OMA1: variants seen among roughly 807,000 people sequenced by gnomAD.
OMA1 encodes OMA1 zinc metallopeptidase.
A neutral mutation model predicts 30.9 loss-of-function variants in OMA1; 38 were observed. That is an observed-to-expected ratio of 1.23 (90% CI 0.95 to 1.61). The LOEUF (loss-of-function observed/expected upper bound fraction) is 1.61, where lower values mean the gene tolerates loss of function less well. Among genes scored for constraint, OMA1 ranks in the 40% most tolerant of loss-of-function variants. The pLI, the probability that OMA1 is intolerant of heterozygous loss-of-function variation, is 0.00. For missense variants in OMA1, 461 were observed against 349.2 expected (o/e 1.32, Z -2.55); for synonymous variants, 173 against 121.9 (o/e 1.42, Z -2.76).
At chr1:58,499,397 A>C (rs1486844233) in intron 8 of OMA1, among the ~76,000 whole-genome samples, 2 of 151,662 alleles carry the variant, frequency 1.3e-5, no homozygotes, top group Non-Finnish European at 2.9e-5. Context: ...AAGTGGGAAA[A>C]TTGCTTTAGC....
chr1:58,485,228 T>TAAAAAAAAAAAAAAAAAAAAA (rs71043289), intron 8 of OMA1, among the ~76,000 whole-genome samples: 2 of 42,036 alleles, frequency 4.8e-5, no homozygotes, highest in Non-Finnish European at 8.3e-5. Flanking sequence ...AGTCTACTAC[T>TAAAAAAAAAAAAAAAAAAAAA]AAAAAAAAAA....
At chr1:58,511,546 C>G (rs1164123423) in intron 7 of OMA1, among the ~76,000 whole-genome samples, 1 of 151,972 alleles carries the variant, frequency 6.6e-6, no homozygotes, top group Non-Finnish European at 1.5e-5. Context: ...GGAGGATCAC[C>G]TGAGCCTGGG....
chr1:58,514,019 T>G (rs2100434384), intron 7 of OMA1, among the ~76,000 whole-genome samples: 1 of 152,264 alleles, frequency 6.6e-6, no homozygotes, highest in African/African-American at 2.4e-5. Context: ...AATTGTCAAG[T>G]TAAAATGTGA....
At chr1:58,516,158 T>G (rs1646154536) in intron 7 of OMA1, among the ~76,000 whole-genome samples, 1 of 152,106 alleles carries the variant, frequency 6.6e-6, no homozygotes. Flanking sequence ...ACATCAATAA[T>G]TCCCCCCACT....
At chr1:58,485,359 T>G (rs1003867861) in intron 8 of OMA1, among the ~76,000 whole-genome samples, 21 of 151,916 alleles carry the variant, frequency 1.4e-4, no homozygotes, top group African/African-American at 4.6e-4. Context: ...CACATGATAT[T>G]TCTTGAGTAA....
chr1:58,492,198 G>C (rs916856285), intron 8 of OMA1, among the ~76,000 whole-genome samples: 4 of 152,096 alleles, frequency 2.6e-5, no homozygotes, highest in African/African-American at 7.2e-5. Flanking sequence ...CAGAAATAAA[G>C]ATGTTCTTTG....
At chr1:58,537,468 T>C (rs572215846) in intron 2 of OMA1, among the ~76,000 whole-genome samples, 1 of 152,326 alleles carries the variant, frequency 6.6e-6, no homozygotes, top group South Asian at 2.1e-4. Flanking sequence ...AACAAGATCC[T>C]AGGTATTCAT....
intron 7 of OMA1, among the ~76,000 whole-genome samples, chr1:58,507,543 A>G (rs1272412255): frequency 2.0e-5 from 3 of 152,076 alleles, no homozygotes; most frequent in Admixed American, 6.5e-5. Context: ...AAAGAATTCA[A>G]GGTACTTTAT....
intron 7 of OMA1, among the ~76,000 whole-genome samples, chr1:58,508,939 T>C (rs1385698040): frequency 2.6e-5 from 4 of 152,056 alleles, no homozygotes; most frequent in East Asian, 3.9e-4. Context: ...GTAGCACTGA[T>C]AGGACCCAGC....
chr1:58,514,299 C>T (rs977258569), intron 7 of OMA1, among the ~76,000 whole-genome samples: 2 of 152,080 alleles, frequency 1.3e-5, no homozygotes. Context: ...AAGAATACAG[C>T]AGTATAAAAA....
chr1:58,503,625 C>CT (rs960463390), intron 8 of OMA1, among the ~76,000 whole-genome samples: 55 of 152,038 alleles, frequency 3.6e-4, no homozygotes, highest in African/African-American at 1.3e-3. Context: ...GGTTAGCACC[C>CT]TTTTATAAAA....
chr1:58,544,661 C>G (rs1441051664), intron 1 of OMA1, among the ~76,000 whole-genome samples: 1 of 152,182 alleles, frequency 6.6e-6, no homozygotes, highest in East Asian at 1.9e-4. Context: ...GTGGTGCCAC[C>G]TCGGCTCACT....
chr1:58,519,592 T>C (rs915522931), intron 7 of OMA1, among the ~76,000 whole-genome samples: 42 of 152,076 alleles, frequency 2.8e-4, no homozygotes, highest in African/African-American at 9.4e-4. Flanking sequence ...AAAAAATATA[T>C]CATTCAGAGC....
At chr1:58,486,370 C>G (rs967476754) in intron 8 of OMA1, among the ~76,000 whole-genome samples, 3 of 152,170 alleles carry the variant, frequency 2.0e-5, no homozygotes, top group African/African-American at 7.2e-5. Context: ...CCACTGTTAT[C>G]TTTATATTAC....
intron 7 of OMA1, among the ~76,000 whole-genome samples, chr1:58,515,643 T>C (rs1646147469): frequency 6.6e-6 from 1 of 152,212 alleles, no homozygotes; most frequent in Admixed American, 6.5e-5. Flanking sequence ...TACTTACTGA[T>C]TCTTTTCTTT....
chr1:58,521,821 C>A (rs1007493573), intron 7 of OMA1, among the ~76,000 whole-genome samples: 2 of 152,108 alleles, frequency 1.3e-5, no homozygotes, highest in Non-Finnish European at 2.9e-5. Context: ...CCCAGGAATT[C>A]TCCAAACGTT....
chr1:58,502,876 A>G (rs1413931533), intron 8 of OMA1, among the ~76,000 whole-genome samples: 2 of 152,208 alleles, frequency 1.3e-5, no homozygotes, highest in African/African-American at 4.8e-5. Flanking sequence ...AAGAAATTAT[A>G]TGAGGTTTTC....
chr1:58,491,604 G>A (rs1645691521), intron 8 of OMA1, among the ~76,000 whole-genome samples: 2 of 151,918 alleles, frequency 1.3e-5, no homozygotes, highest in Non-Finnish European at 2.9e-5. Context: ...AAAAAGGCAG[G>A]GGTTGCAATC....
intron 8 of OMA1, among the ~76,000 whole-genome samples, chr1:58,482,415 T>C (rs1645503526): frequency 6.6e-6 from 1 of 152,230 alleles, no homozygotes; most frequent in South Asian, 2.1e-4. Flanking sequence ...TAGAACTATT[T>C]AACTCTTCAA....
Sources: gnomAD v4.1 joint callset for allele counts (sites outside exome capture counted in the v4.1 genomes callset) on GRCh38, gnomAD v4.1.1 for gene constraint, MANE v1.5 for transcripts, NCBI Gene and HGNC (gene_info 2026-07-23, HGNC 2026-07-21) for gene names.